Variants in OLFM3 observed in about 807,000 individuals in gnomAD.
OLFM3 encodes olfactomedin 3, also known as noelin-3.
Under a neutral mutation model 48.6 loss-of-function variants are expected in OLFM3, and 20 were observed. The ratio of observed to expected loss-of-function variants is 0.41; its 90% CI spans 0.29 to 0.60. The LOEUF is 0.60. Ranked by LOEUF, OLFM3 falls within the 20% of genes least tolerant of loss-of-function variation. OLFM3 has a pLI of 0.28. For missense variants in OLFM3, 437 were observed against 544.3 expected, an observed-to-expected ratio of 0.80 and a Z score of 1.96; for synonymous variants, 222 against 198.1, an observed-to-expected ratio of 1.12 and a Z score of -1.01.
intron 1 of OLFM3, among the ~76,000 whole-genome samples, chr1:101,972,882 G>A (rs1158995070): frequency 6.6e-6 from 1 of 152,152 alleles, no homozygotes; most frequent in Non-Finnish European, 1.5e-5. Context: ...AGATCTATCA[G>A]TCTCAATTCC....
At position 101,830,701 on chromosome 1, in the gene OLFM3, GATCATCTTCAATCTGC is replaced by G; in HGVS notation, c.327_342del (p.Gln110GlufsTer5). On this transcript the variant is annotated frameshift_variant, in exon 3 of 6. Coordinates refer to ENST00000370103, the MANE Select transcript of OLFM3 (RefSeq NM_058170.4). LOFTEE classifies it high-confidence loss of function. ...AAATGCTTGGTCATAAGTGTCTTTC[GATCATCTTCAATCTGC>G]CGAAATTTTGCCTTCAGCCCTTTCA... 1 of 1,614,074 alleles carries G rather than the reference GATCATCTTCAATCTGC, an allele frequency of 6.2e-7. No individual in the cohort carries two copies. Among genetic ancestry groups the G allele is most frequent in the Admixed American group, 1.7e-5 (1 of 60,012 alleles).
chr1:101,866,243 A>G (rs1656850835), intron 1 of OLFM3, among the ~76,000 whole-genome samples: 1 of 152,160 alleles, frequency 6.6e-6, no homozygotes, highest in South Asian at 2.1e-4. Context: ...TGGAATTAGA[A>G]GATCACTACT....
chr1:101,983,947 T>C (rs147439565), intron 1 of OLFM3, among the ~76,000 whole-genome samples: 47 of 152,316 alleles, frequency 3.1e-4, no homozygotes, highest in African/African-American at 1.0e-3. Context: ...AATTGAATCA[T>C]AGTCATCATT....
chr1:101,812,573 G>T, intron 4 of OLFM3: 1 of 985,486 alleles, frequency 1.0e-6, no homozygotes, highest in Non-Finnish European at 1.2e-6. Context: ...CATACCATGA[G>T]CCTTATCTAA....
intron 1 of OLFM3, among the ~76,000 whole-genome samples, chr1:101,868,751 C>G (rs570589668): frequency 6.6e-6 from 1 of 152,344 alleles, no homozygotes; most frequent in Admixed American, 6.5e-5. Context: ...AGAAAGGTTT[C>G]ATGGGCTGGG....
At chr1:101,898,528 G>A (rs1311579650) in intron 1 of OLFM3, among the ~76,000 whole-genome samples, 1 of 152,086 alleles carries the variant, frequency 6.6e-6, no homozygotes, top group African/African-American at 2.4e-5. Context: ...ATTTATATCA[G>A]CAAGTATGCA....
At chr1:101,983,171 G>A (rs994537043) in intron 1 of OLFM3, among the ~76,000 whole-genome samples, 1 of 152,044 alleles carries the variant, frequency 6.6e-6, no homozygotes, top group African/African-American at 2.4e-5. Flanking sequence ...ACATAATTAA[G>A]GATAAGAAAA....
intron 4 of OLFM3, among the ~76,000 whole-genome samples, chr1:101,816,808 G>C (rs959352163): frequency 2.0e-5 from 3 of 152,104 alleles, no homozygotes; most frequent in Admixed American, 6.5e-5. Context: ...CACCATCAGC[G>C]TTATGTTTAT....
intron 1 of OLFM3, among the ~76,000 whole-genome samples, chr1:101,971,945 C>T (rs1660816448): frequency 6.6e-6 from 1 of 151,456 alleles, no homozygotes; most frequent in African/African-American, 2.4e-5. Flanking sequence ...TGTATATACA[C>T]ATACTTATGT....
At position 101,811,502 on chromosome 1, in the gene OLFM3, C is replaced by T. The variant is rs182371201; in HGVS notation, c.593-5320G>A. Among the ~76,000 whole-genome samples the T allele has an allele frequency of 2.1e-3, 316 of 152,186 alleles. 2 individuals carry two copies. The highest frequency in any genetic ancestry group is 3.6e-3 in the Admixed American group (55 of 15,284). On this transcript the variant is annotated intron_variant, in intron 4 of 5. Transcript: ENST00000370103. The stretch of plus-strand genomic sequence containing the variant: ...AAACAAATTTACAAGAAAAAACAAA[C>T]AACCCGATCAAAAAGTGGACGAAGG...
At chr1:101,864,722 AG>A (rs1656790673) in intron 1 of OLFM3, among the ~76,000 whole-genome samples, 1 of 152,062 alleles carries the variant, frequency 6.6e-6, no homozygotes, top group African/African-American at 2.4e-5. Context: ...AGTGTGGTTG[AG>A]GGGGTTTTGT....
chr1:101,948,138 G>GA (rs920644008), intron 1 of OLFM3, among the ~76,000 whole-genome samples: 4 of 151,480 alleles, frequency 2.6e-5, no homozygotes, highest in Non-Finnish European at 4.4e-5. Flanking sequence ...TCTCATACTT[G>GA]AAAAAAAATA....
In OLFM3 at chr1:101,803,793, A is replaced by C. The variant is rs1330277797; in HGVS notation, c.*445T>G. The C allele has an allele frequency of 6.6e-6, 1 of 152,562 alleles. No homozygotes were observed. The highest frequency in any genetic ancestry group is 2.4e-5 in the African/African-American group (1 of 41,390). 9.5% of individuals were successfully genotyped at this position (152,562 alleles called of 1,614,324 possible). A position where few individuals can be genotyped will look rare whatever the true frequency, so the allele number is the denominator to read the frequency against. On this transcript the variant is annotated 3_prime_UTR_variant, in exon 6 of 6. Coordinates refer to ENST00000370103, the MANE Select transcript of OLFM3 (RefSeq NM_058170.4). The stretch of plus-strand genomic sequence containing the variant: ...TATAAATGAAATCCTTACATTTTTT[A>C]AAGAAATAAATGGGATAAAAGTGCT...
At chr1:101,964,064 T>C (rs1398225933) in intron 1 of OLFM3, among the ~76,000 whole-genome samples, 1 of 152,216 alleles carries the variant, frequency 6.6e-6, no homozygotes, top group African/African-American at 2.4e-5. Context: ...TCACTTTCAT[T>C]GATATGTCTG....
At chr1:101,971,572 G>T (rs968257538) in intron 1 of OLFM3, among the ~76,000 whole-genome samples, 1 of 152,140 alleles carries the variant, frequency 6.6e-6, no homozygotes, top group Non-Finnish European at 1.5e-5. Context: ...GCAGAATAAA[G>T]TTCAGAAAAC....
chr1:101,961,036 T>G (rs1660451736), intron 1 of OLFM3, among the ~76,000 whole-genome samples: 1 of 152,180 alleles, frequency 6.6e-6, no homozygotes, highest in Non-Finnish European at 1.5e-5. Flanking sequence ...TGAGACTATT[T>G]GGATAACATA....
chr1:101,993,358 A>T lies in OLFM3; in HGVS notation c.69+3390T>A, dbSNP rs1244148118. On this transcript the variant is annotated intron_variant, in intron 1 of 5. Coordinates refer to ENST00000370103, the MANE Select transcript of OLFM3 (RefSeq NM_058170.4). Reference sequence around the variant, plus strand: ...TACCATCAAGGTCATTACTGAAATCAATGCCTTCAGTTTAAAAGCACAGAG... The same window carrying T: ...TACCATCAAGGTCATTACTGAAATCTATGCCTTCAGTTTAAAAGCACAGAG... Among the ~76,000 whole-genome samples the T allele has an allele frequency of 3.3e-5, 5 of 152,146 alleles. No individual in the cohort carries two copies. In the South Asian group the frequency reaches 1.0e-3, roughly 31 times the overall value.
At chr1:101,888,527 G>A (rs1162574488) in intron 1 of OLFM3, among the ~76,000 whole-genome samples, 2 of 152,016 alleles carry the variant, frequency 1.3e-5, no homozygotes, top group Non-Finnish European at 2.9e-5. Flanking sequence ...TTAAATATTA[G>A]ATCTAAAACC....
chr1:101,925,038 T>C (rs1659224688), intron 1 of OLFM3, among the ~76,000 whole-genome samples: 1 of 148,414 alleles, frequency 6.7e-6, no homozygotes, highest in Admixed American at 6.6e-5. Context: ...AAACATTCAA[T>C]TTATGTTTAA....
Sources: allele counts gnomAD v4.1 joint callset (sites outside exome capture counted in the v4.1 genomes callset), GRCh38; gene constraint gnomAD v4.1.1; transcripts MANE v1.5; gene names NCBI Gene and HGNC (gene_info 2026-07-23, HGNC 2026-07-21).